The following GRHL2 variants were observed in gnomAD, a reference collection of about 807,000 sequenced individuals.
GRHL2 encodes the protein grainyhead like transcription factor 2, also known as grainyhead-like protein 2 homolog.
GRHL2 carries 21 observed loss-of-function variants against 83.8 expected under a neutral mutation model. That is an observed-to-expected ratio of 0.25 (90% confidence interval 0.18 to 0.36). The LOEUF is 0.36. Among genes scored for constraint, GRHL2 ranks in the 10% least tolerant of loss-of-function variants. GRHL2 has a pLI of 1.00. For missense variants in GRHL2, 623 were observed against 781.8 expected (o/e 0.80, Z 2.42); for synonymous variants, 280 against 278.9 (o/e 1.00, Z -0.04).
At chr8:101,594,661 G>A (rs1196168588) in intron 7 of GRHL2, among the ~76,000 whole-genome samples, 1 of 152,214 alleles carries the variant, frequency 6.6e-6, no homozygotes, top group East Asian at 1.9e-4. Context: ...GAACACAAAG[G>A]GTAGAGATGA....
chr8:101,656,551 C>T lies in GRHL2; in HGVS notation c.1698+7052C>T, dbSNP rs984376252. ...AGGATAAACATTCCCATTCACAGCTCACCACATCTAAAGAGATCAGGCAAT... is the reference window on the plus strand; with the variant it reads ...AGGATAAACATTCCCATTCACAGCTTACCACATCTAAAGAGATCAGGCAAT... On this transcript the variant is annotated intron_variant, in intron 14 of 15. Coordinates refer to ENST00000646743, the MANE Select transcript of GRHL2 (RefSeq NM_024915.4). Among the ~76,000 whole-genome samples, 5 of 152,166 alleles carry T rather than the reference C, an allele frequency of 3.3e-5. 1 individual carries two copies. Among genetic ancestry groups the T allele is most frequent in the Non-Finnish European group, 7.3e-5 (5 of 68,040 alleles).
intron 2 of GRHL2, among the ~76,000 whole-genome samples, chr8:101,548,697 TCA>T (rs1024354973): frequency 1.3e-5 from 2 of 152,222 alleles, no homozygotes; most frequent in African/African-American, 4.8e-5. Flanking sequence ...TTCAGAGTTC[TCA>T]GTTTATCTAA....
chr8:101,676,726 A>T, the GRHL2 span, among the ~76,000 whole-genome samples: 3 of 152,208 alleles, frequency 2.0e-5, no homozygotes, highest in Admixed American at 6.5e-5. Context: ...TACCCAAAGG[A>T]TTATAAATCA....
chr8:101,674,145 G>T (rs901554307), downstream of GRHL2, among the ~76,000 whole-genome samples: 2 of 152,084 alleles, frequency 1.3e-5, no homozygotes, highest in African/African-American at 4.8e-5. Flanking sequence ...ACAATTAAAA[G>T]AATTAGAAAA....
chr8:101,612,512 GATAGATAGATACATACATACATAC>G (rs1812771681), intron 8 of GRHL2, among the ~76,000 whole-genome samples: 2 of 121,544 alleles, frequency 1.6e-5, no homozygotes, highest in African/African-American at 6.7e-5. Context: ...TAGATAGATA[GATAGATAGATACATACATACATAC>G]ATACATACAT....
rs143647838 is a variant in GRHL2, at chr8:101,521,690, G to A, written c.21-21551G>A. On this transcript the variant is annotated intron_variant, in intron 1 of 15. Transcript: ENST00000646743. ...ATGGTTTTTAAGTAGCAGTGTTTCC[G>A]TTATTTAACAAGACATAACTTCCAT... Among the ~76,000 whole-genome samples the A allele has an allele frequency of 1.3e-3, 191 of 152,152 alleles. 3 individuals are homozygous for A. Among genetic ancestry groups the A allele is most frequent in the African/African-American group, 4.2e-3 (175 of 41,496 alleles).
At chr8:101,527,605 T>C (rs145131271) in intron 1 of GRHL2, among the ~76,000 whole-genome samples, 90 of 152,354 alleles carry the variant, frequency 5.9e-4, no homozygotes, top group African/African-American at 2.0e-3. Context: ...ATTTCATTTC[T>C]GTGATCAGAA....
intron 14 of GRHL2, among the ~76,000 whole-genome samples, chr8:101,660,475 CTTTA>C (rs999026751): frequency 3.1e-4 from 47 of 152,174 alleles, no homozygotes; most frequent in African/African-American, 1.0e-3. Context: ...TTATCTTTCT[CTTTA>C]TTTATTTATT....
At chr8:101,622,032 C>T (rs1331171091) in intron 9 of GRHL2, among the ~76,000 whole-genome samples, 1 of 152,088 alleles carries the variant, frequency 6.6e-6, no homozygotes, top group South Asian at 2.1e-4. Flanking sequence ...TGTATTTAAA[C>T]AGCCCACCAC....
chr8:101,593,861 T>G (rs1812334582), intron 7 of GRHL2, among the ~76,000 whole-genome samples: 1 of 150,462 alleles, frequency 6.6e-6, no homozygotes, highest in South Asian at 2.1e-4. Context: ...AGGTCAGGAG[T>G]CCAAGACCAG....
At chr8:101,538,654 A>G (rs2130107039) in intron 1 of GRHL2, among the ~76,000 whole-genome samples, 1 of 152,346 alleles carries the variant, frequency 6.6e-6, no homozygotes, top group East Asian at 1.9e-4. Flanking sequence ...CTTCCAAAAG[A>G]GCAATGATAA....
chr8:101,602,613 C>A (rs1364432635), intron 8 of GRHL2, among the ~76,000 whole-genome samples: 1 of 151,980 alleles, frequency 6.6e-6, no homozygotes, highest in Non-Finnish European at 1.5e-5. Context: ...TTTAAAAATC[C>A]AGGTTTTTAA....
chr8:101,584,847 G>T (rs1449431368), intron 7 of GRHL2, among the ~76,000 whole-genome samples: 1 of 152,002 alleles, frequency 6.6e-6, no homozygotes, highest in Non-Finnish European at 1.5e-5. Context: ...AGGTGGCTAG[G>T]TGGTCAAATG....
intron 8 of GRHL2, among the ~76,000 whole-genome samples, chr8:101,608,980 G>A (rs1295604754): frequency 1.3e-5 from 2 of 150,424 alleles, no homozygotes; most frequent in African/African-American, 2.5e-5. Flanking sequence ...AGGAGAGAGG[G>A]CACTGTGCCA....
intron 1 of GRHL2, among the ~76,000 whole-genome samples, chr8:101,527,406 G>T (rs895264253): frequency 2.0e-5 from 3 of 151,764 alleles, no homozygotes; most frequent in African/African-American, 7.3e-5. Context: ...TTGCTTTGTT[G>T]CCCAGGCTGG....
chr8:101,612,793 CTA>C (rs1298030105), intron 8 of GRHL2, among the ~76,000 whole-genome samples: 1 of 150,936 alleles, frequency 6.6e-6, no homozygotes, highest in African/African-American at 2.5e-5. Flanking sequence ...TGTTGACTGT[CTA>C]CCATGGGCCT....
intron 1 of GRHL2, among the ~76,000 whole-genome samples, chr8:101,517,511 C>G (rs888763844): frequency 6.6e-6 from 1 of 152,148 alleles, no homozygotes; most frequent in Admixed American, 6.5e-5. Context: ...GTCTAGTGGA[C>G]TCTTTCTGCT....
In GRHL2 at chr8:101,608,735, TCACACACACACACACA is replaced by T. The variant is rs72332231; in HGVS notation, c.1098+9612_1098+9627del. Among the ~76,000 whole-genome samples, 35 of 144,774 alleles carry T rather than the reference TCACACACACACACACA, an allele frequency of 2.4e-4. 2 individuals carry two copies. The East Asian group carries it at 3.2e-3, about 13-fold the overall frequency. The allele number at this position is 144,774 out of a possible 152,430, so 95.0% of individuals were successfully genotyped here. On this transcript the variant is annotated intron_variant, in intron 8 of 15. Coordinates refer to ENST00000646743, the MANE Select transcript of GRHL2 (RefSeq NM_024915.4). ...ATTTGCTTTGTCTCTGCTCACTCTC[TCACACACACACACACA>T]CACACACACACACACACACACACAC...
At chr8:101,585,184 C>G (rs1048992636) in intron 7 of GRHL2, among the ~76,000 whole-genome samples, 2 of 152,218 alleles carry the variant, frequency 1.3e-5, no homozygotes, top group African/African-American at 4.8e-5. Context: ...GGCTTCCCAC[C>G]ATCCCACCTA....
Sources: gnomAD v4.1 joint callset for allele counts (sites outside exome capture counted in the v4.1 genomes callset) on GRCh38, gnomAD v4.1.1 for gene constraint, MANE v1.5 for transcripts, NCBI Gene and HGNC (gene_info 2026-07-23, HGNC 2026-07-21) for gene names.